The following TSPEAR variants were observed in gnomAD, a reference collection of about 807,000 sequenced individuals.
TSPEAR encodes thrombospondin type laminin G domain and EAR repeats.
TSPEAR carries 69 observed loss-of-function variants against 71.6 expected under a neutral mutation model. The observed-to-expected ratio is 0.96, with a 90% confidence interval of 0.79 to 1.18. The LOEUF is 1.18. TSPEAR is among the 50% of genes most tolerant of loss of function. TSPEAR has a pLI of 0.00. For synonymous variants in TSPEAR, 402 were observed against 387.2 expected (o/e 1.04, Z -0.45); for missense variants, 971 against 894.9 (o/e 1.09, Z -1.09).
At chr21:44,507,458 G>A (rs2145917451) in intron 10 of TSPEAR, among the ~76,000 whole-genome samples, 1 of 152,332 alleles carries the variant, frequency 6.6e-6, no homozygotes, top group South Asian at 2.1e-4. Context: ...CCCATGCTGG[G>A]TAGAAGGGCT....
intron 1 of TSPEAR, among the ~76,000 whole-genome samples, chr21:44,652,035 G>A (rs967813169): frequency 6.8e-6 from 1 of 147,784 alleles, no homozygotes; most frequent in Admixed American, 6.8e-5. Flanking sequence ...CCAGGCTGGA[G>A]TGCAGTGGCG....
chr21:44,608,710 A>G (rs1396567090), intron 1 of TSPEAR, among the ~76,000 whole-genome samples: 2 of 152,242 alleles, frequency 1.3e-5, no homozygotes, highest in East Asian at 1.9e-4. Flanking sequence ...TTCCAAAATA[A>G]ACAAATTTTA....
At chr21:44,530,801 C>T (rs1414909492) in intron 4 of TSPEAR, among the ~76,000 whole-genome samples, 1 of 152,204 alleles carries the variant, frequency 6.6e-6, no homozygotes, top group Non-Finnish European at 1.5e-5. Flanking sequence ...TGGGCATCAG[C>T]TCAGCATGGT....
At chr21:44,537,962 C>T (rs987013959) in intron 2 of TSPEAR, among the ~76,000 whole-genome samples, 10 of 152,322 alleles carry the variant, frequency 6.6e-5, no homozygotes, top group East Asian at 3.9e-4. Context: ...CGGGGTCACG[C>T]GGGGTCCCCC....
intron 1 of TSPEAR, among the ~76,000 whole-genome samples, chr21:44,683,190 A>T (rs1986693117): frequency 6.6e-6 from 1 of 152,162 alleles, no homozygotes; most frequent in Non-Finnish European, 1.5e-5. Flanking sequence ...GAGTCCCACC[A>T]AGATACAGAG....
At chr21:44,575,832 C>G (rs1978401858) in intron 1 of TSPEAR, among the ~76,000 whole-genome samples, 1 of 152,192 alleles carries the variant, frequency 6.6e-6, no homozygotes, top group African/African-American at 2.4e-5. Flanking sequence ...GTCTCTGTCG[C>G]TTCGCTTCCA....
intron 1 of TSPEAR, among the ~76,000 whole-genome samples, chr21:44,658,568 G>A (rs1245331440): frequency 2.6e-5 from 4 of 152,092 alleles, no homozygotes; most frequent in South Asian, 2.1e-4. Flanking sequence ...CATGTATTTC[G>A]TAAGTTCTTT....
chr21:44,677,689 C>T (rs971094334), intron 1 of TSPEAR: 33 of 1,418,126 alleles, frequency 2.3e-5, no homozygotes, highest in South Asian at 8.1e-5. Context: ...GGAGTATCTC[C>T]CTTTTGTTTT....
chr21:44,662,811 T>C (rs1161787142), intron 1 of TSPEAR, among the ~76,000 whole-genome samples: 2 of 152,118 alleles, frequency 1.3e-5, no homozygotes, highest in African/African-American at 4.8e-5. Flanking sequence ...ACCAAAAGGA[T>C]AGCGAGAAAC....
intron 9 of TSPEAR, chr21:44,518,672 G>GC (rs1173615864): frequency 6.4e-6 from 3 of 470,472 alleles, no homozygotes; most frequent in South Asian, 1.5e-5. Context: ...CCCGCCCCCT[G>GC]CCCCCCACCA....
At chr21:44,613,825 G>A (rs375632176) in intron 1 of TSPEAR, among the ~76,000 whole-genome samples, 26 of 152,272 alleles carry the variant, frequency 1.7e-4, no homozygotes, top group African/African-American at 5.8e-4. Flanking sequence ...CCCTGCCCCT[G>A]AAATGTGTGT....
chr21:44,676,907 T>C, intron 1 of TSPEAR: 1 of 890,068 alleles, frequency 1.1e-6, no homozygotes, highest in Non-Finnish European at 1.9e-6. Flanking sequence ...AGCTGATCGA[T>C]GTGACGATGT....
intron 1 of TSPEAR, chr21:44,678,092 G>A (rs369978278): frequency 2.1e-5 from 14 of 652,914 alleles, no homozygotes; most frequent in African/African-American, 9.0e-5. Flanking sequence ...AGTATCTGTC[G>A]AGCGGACGGT....
chr21:44,570,215 G>A (rs1259091225), intron 1 of TSPEAR, among the ~76,000 whole-genome samples: 3 of 152,192 alleles, frequency 2.0e-5, no homozygotes, highest in Non-Finnish European at 4.4e-5. Flanking sequence ...CGCTCGCTGG[G>A]CTTTGGCAAT....
At chr21:44,667,060 T>C (rs1387316969) in intron 1 of TSPEAR, 8 of 761,246 alleles carry the variant, frequency 1.1e-5, no homozygotes, top group African/African-American at 8.8e-5. Context: ...GTTGTAGGTG[T>C]CTCTGGGTTT....
intron 9 of TSPEAR, chr21:44,519,374 C>T (rs1366337109): frequency 6.6e-6 from 1 of 152,332 alleles, no homozygotes; most frequent in Non-Finnish European, 1.5e-5. Flanking sequence ...ATCGAGCCCT[C>T]CTTGGGAGTC....
At chr21:44,592,640 G>T in intron 1 of TSPEAR, 3 of 1,192,208 alleles carry the variant, frequency 2.5e-6, no homozygotes, top group East Asian at 2.6e-5. Context: ...GTGTTTGTTC[G>T]CCCGTGATGT....
intron 1 of TSPEAR, among the ~76,000 whole-genome samples, chr21:44,577,848 T>C (rs1271575797): frequency 6.6e-6 from 1 of 152,260 alleles, no homozygotes; most frequent in Non-Finnish European, 1.5e-5. Context: ...TCGGATGTTA[T>C]GGTTTGGCTG....
At chr21:44,557,537 G>C (rs1245088885) in intron 2 of TSPEAR, among the ~76,000 whole-genome samples, 3 of 152,186 alleles carry the variant, frequency 2.0e-5, no homozygotes, top group Non-Finnish European at 4.4e-5. Context: ...GGGAGGAGCT[G>C]AGCCCAGGGA....
Sources: gnomAD v4.1 joint callset for allele counts (sites outside exome capture counted in the v4.1 genomes callset) on GRCh38, gnomAD v4.1.1 for gene constraint, MANE v1.5 for transcripts, NCBI Gene and HGNC (gene_info 2026-07-23, HGNC 2026-07-21) for gene names.